ALG14: variants seen among roughly 807,000 people sequenced by gnomAD.
ALG14 encodes ALG14 UDP-N-acetylglucosaminyltransferase subunit.
A neutral mutation model predicts 22.8 loss-of-function variants in ALG14; 17 were observed. The observed-to-expected ratio is 0.75, with a 90% confidence interval of 0.51 to 1.12. ALG14 has a LOEUF of 1.12. Ranked by LOEUF, ALG14 falls within the 50% of genes most tolerant of loss-of-function variation. The pLI, the probability that ALG14 is intolerant of heterozygous loss-of-function variation, is 0.00. For missense variants in ALG14, 288 were observed against 271.8 expected, an observed-to-expected ratio of 1.06 and a Z score of -0.42; for synonymous variants, 89 against 103.7, an observed-to-expected ratio of 0.86 and a Z score of 0.86.
chr1:95,030,325 A>G (rs1049441116), intron 2 of ALG14, among the ~76,000 whole-genome samples: 3 of 150,914 alleles, frequency 2.0e-5, no homozygotes, highest in African/African-American at 7.3e-5. Flanking sequence ...TTTTTTTTCC[A>G]GTTTTCAGAG....
At chr1:95,030,311 T>C (rs930529634) in intron 2 of ALG14, among the ~76,000 whole-genome samples, 1 of 146,418 alleles carries the variant, frequency 6.8e-6, no homozygotes, top group African/African-American at 2.5e-5. Context: ...ACAAACTGGA[T>C]TTTTTTTTTT....
intron 1 of ALG14, among the ~76,000 whole-genome samples, chr1:95,065,620 G>C (rs1047835194): frequency 2.0e-5 from 3 of 152,160 alleles, no homozygotes; most frequent in Admixed American, 1.3e-4. Flanking sequence ...TGGGAAAAGG[G>C]AAGCCAGTCA....
intron 3 of ALG14, among the ~76,000 whole-genome samples, chr1:95,017,000 G>A (rs1345489099): frequency 2.2e-5 from 3 of 135,360 alleles, no homozygotes; most frequent in Non-Finnish European, 3.2e-5. Context: ...TGTGTGTAGT[G>A]TGGTGTGAAA....
Position 94,994,418 on chromosome 1 carries a change from C to T in ALG14, c.421-11112G>A, listed in dbSNP as rs562451129. Among the ~76,000 whole-genome samples, 379 of 152,304 alleles carry T rather than the reference C, an allele frequency of 2.5e-3. 1 individual carries two copies. The highest frequency in any genetic ancestry group is 8.7e-3 in the African/African-American group (361 of 41,574). On this transcript the variant is annotated intron_variant, in intron 3 of 3. Coordinates refer to ENST00000370205, the MANE Select transcript of ALG14 (RefSeq NM_144988.4). ...CTCAGGGAATAATTTAGGTCAATCCCTTTCCTTCAGCTTGAGGAGTAAGGG... is the reference window on the plus strand; with the variant it reads ...CTCAGGGAATAATTTAGGTCAATCCTTTTCCTTCAGCTTGAGGAGTAAGGG...
intron 2 of ALG14, among the ~76,000 whole-genome samples, chr1:95,058,600 G>C (rs4259714): frequency 0.44 from 61,444 of 138,870 alleles, 14,265 homozygotes; most frequent in Middle Eastern, 0.57. Context: ...CTGGACAACA[G>C]AGTGAGATTC....
At chr1:95,037,221 G>A (rs547266180) in intron 2 of ALG14, among the ~76,000 whole-genome samples, 8 of 152,142 alleles carry the variant, frequency 5.3e-5, no homozygotes, top group South Asian at 2.1e-4. Context: ...ATTCTCAGCC[G>A]GACGGTTTGG....
At chr1:95,038,716 GTTTT>G (rs71097229) in intron 2 of ALG14, among the ~76,000 whole-genome samples, 1 of 121,480 alleles carries the variant, frequency 8.2e-6, no homozygotes. Context: ...AAACTATAAG[GTTTT>G]TTTTTTTTTT....
In ALG14 at chr1:95,072,841, G is replaced by T; in HGVS notation, c.58C>A (p.Leu20Met). 1 of 1,614,168 alleles carries T rather than the reference G, an allele frequency of 6.2e-7. No homozygotes were observed. The highest frequency in any genetic ancestry group is 8.5e-7 in the Non-Finnish European group (1 of 1,180,040). ...AAGAVAVFLI[L>M]RIWVVLRSMD... ...GAACGAAGCACTACCCATATTCGCA[G>T]GATTAGGAAAACCGCCACAGCTCCT... The change falls in exon 1 of 4, where the codon CTG (leucine) becomes ATG (methionine). Residue 20 changes from leucine to methionine, a missense_variant. Physicochemically the swap from Leu to Met is conservative, Grantham distance 15. Transcript: ENST00000370205.
chr1:95,021,508 T>C (rs1673661698), intron 3 of ALG14, among the ~76,000 whole-genome samples: 1 of 152,190 alleles, frequency 6.6e-6, no homozygotes, highest in Non-Finnish European at 1.5e-5. Context: ...CCCCCTTCTT[T>C]TATTTTTTCC....
chr1:95,067,637 A>C (rs904556025), intron 1 of ALG14: 10 of 152,116 alleles, frequency 6.6e-5, no homozygotes, highest in African/African-American at 2.4e-4. Flanking sequence ...TCCAGCATCC[A>C]ATCATTTCTC....
chr1:95,004,803 G>A (rs1371311388), intron 3 of ALG14, among the ~76,000 whole-genome samples: 23 of 120,256 alleles, frequency 1.9e-4, no homozygotes, highest in East Asian at 6.9e-4. Flanking sequence ...CCCCGCCCCC[G>A]CCTTTTTATT....
intron 2 of ALG14, among the ~76,000 whole-genome samples, chr1:95,038,763 G>C (rs969458597): frequency 6.8e-6 from 1 of 146,090 alleles, no homozygotes; most frequent in East Asian, 2.0e-4. Flanking sequence ...CTCTTGCCCA[G>C]GCTGGAGAGC....
Position 95,001,123 on chromosome 1 carries a change from G to A in ALG14, c.421-17817C>T, listed in dbSNP as rs189083155. Among the ~76,000 whole-genome samples the A allele has an allele frequency of 1.6e-3, 241 of 152,266 alleles. 1 individual carries two copies. Among genetic ancestry groups the A allele is most frequent in the South Asian group, 1.9e-3 (9 of 4,814 alleles). On this transcript the variant is annotated intron_variant, in intron 3 of 3. Coordinates refer to ENST00000370205, the MANE Select transcript of ALG14 (RefSeq NM_144988.4). ...GGTAATACTCAACCCTCCTGTTTCC[G>A]TGGAGGGAAGGGAATTTCCAAGCCC...
intron 3 of ALG14, among the ~76,000 whole-genome samples, chr1:95,016,600 G>A (rs918036185): frequency 6.6e-6 from 1 of 152,068 alleles, no homozygotes; most frequent in Admixed American, 6.6e-5. Flanking sequence ...TGCCACAACA[G>A]CAATGGCAGC....
chr1:95,026,284 T>G (rs1376292295), intron 3 of ALG14, among the ~76,000 whole-genome samples: 1 of 152,204 alleles, frequency 6.6e-6, no homozygotes, highest in East Asian at 1.9e-4. Context: ...ATTCACAACT[T>G]GACTAACTGC....
chr1:95,016,942 G>GGT (rs55962309), intron 3 of ALG14, among the ~76,000 whole-genome samples: 9,241 of 129,176 alleles, frequency 0.072, 338 homozygotes, highest in Middle Eastern at 0.081. Context: ...TTGCAAAAGG[G>GGT]GTGTGTGTGT....
At chr1:95,020,149 G>A (rs1224480899) in intron 3 of ALG14, among the ~76,000 whole-genome samples, 1 of 151,582 alleles carries the variant, frequency 6.6e-6, no homozygotes, top group Non-Finnish European at 1.5e-5. Flanking sequence ...CTCGGGAGGC[G>A]GAGGTTGCAG....
intron 1 of ALG14, 85 bp from the exon 2 acceptor site, chr1:95,065,102 C>G: frequency 8.0e-7 from 1 of 1,255,472 alleles, no homozygotes; most frequent in Admixed American, 2.8e-5. Flanking sequence ...ATCATGGTTT[C>G]AGGTTGGGGG....
chr1:95,069,858 A>G (rs1255726874), intron 1 of ALG14, among the ~76,000 whole-genome samples: 3 of 152,094 alleles, frequency 2.0e-5, no homozygotes, highest in Admixed American at 6.5e-5. Context: ...ACCTAAAAAT[A>G]CTACTCTAAT....
Sources: allele counts gnomAD v4.1 joint callset (sites outside exome capture counted in the v4.1 genomes callset), GRCh38; gene constraint gnomAD v4.1.1; transcripts MANE v1.5; gene names NCBI Gene and HGNC (gene_info 2026-07-23, HGNC 2026-07-21).